VPS45: variants seen among roughly 807,000 people sequenced by gnomAD.
VPS45 encodes vacuolar protein sorting-associated protein 45.
VPS45 carries 35 observed loss-of-function variants against 75.9 expected under a neutral mutation model. That is an observed-to-expected ratio of 0.46 (90% CI 0.35 to 0.61). The LOEUF is 0.61. Ranked by LOEUF, VPS45 falls within the 20% of genes least tolerant of loss-of-function variation. VPS45 has a pLI of 0.00. For missense variants in VPS45, 559 were observed against 685.9 expected (o/e 0.81, Z 2.07); for synonymous variants, 220 against 238.2 (o/e 0.92, Z 0.70).
chr1:150,076,593 T>C (rs927735132), intron 4 of VPS45: 1 of 473,790 alleles, frequency 2.1e-6, no homozygotes, highest in Non-Finnish European at 3.7e-6. Context: ...AGTTCTTTTT[T>C]ATCTGAGTAG....
Position 150,092,106 on chromosome 1 carries a change from T to A in VPS45, c.1263+11T>A. The A allele has an allele frequency of 7.5e-6, 12 of 1,609,536 alleles. No homozygotes were observed. The highest frequency in any genetic ancestry group is 1.0e-5 in the Non-Finnish European group (12 of 1,177,456). On this transcript the variant is annotated intron_variant, in intron 11 of 14. Coordinates refer to ENST00000644510, the MANE Select transcript of VPS45 (RefSeq NM_007259.5). The stretch of plus-strand genomic sequence containing the variant: ...GAGAAGTATCGAAAGGTAACCAGTT[T>A]CCATATTAGCCCACCAAACAGGAAC...
chr1:150,076,077 T>TATATATATATATATATATAAAA (rs1313052333), intron 3 of VPS45, among the ~76,000 whole-genome samples, 156 bp from the exon 4 acceptor site: 9 of 148,720 alleles, frequency 6.1e-5, no homozygotes, highest in African/African-American at 2.2e-4. Context: ...TATATATATA[T>TATATATATATATATATATAAAA]ATATATAAAA....
Position 150,145,037 on chromosome 1 carries a change from C to A in VPS45, c.*241C>A. On this transcript the variant is annotated 3_prime_UTR_variant, in exon 15 of 15. Coordinates refer to ENST00000644510, the MANE Select transcript of VPS45 (RefSeq NM_007259.5). ...GTCTTTATGTATCTGTTAGCACAATCACTTCAGTTACTGATGAATTTTGTT... is the reference window on the plus strand; with the variant it reads ...GTCTTTATGTATCTGTTAGCACAATAACTTCAGTTACTGATGAATTTTGTT... 1 of 1,024,372 alleles carries A rather than the reference C, an allele frequency of 9.8e-7. No individual in the cohort carries two copies. Among genetic ancestry groups the A allele is most frequent in the Non-Finnish European group, 1.4e-6 (1 of 712,572 alleles). The allele number at this position is 1,024,372 out of a possible 1,614,324, so 63.5% of individuals were successfully genotyped here.
intron 14 of VPS45, among the ~76,000 whole-genome samples, chr1:150,113,480 C>G (rs781824565): frequency 3.2e-4 from 49 of 152,192 alleles, no homozygotes; most frequent in Admixed American, 5.9e-4. Flanking sequence ...GCCAGCACCC[C>G]CAGCAGCCTT....
rs373099545 is a variant in VPS45 at position 150,136,292 on chromosome 1, A to C, written c.1626-8417A>C. Among the ~76,000 whole-genome samples the C allele has an allele frequency of 5.3e-3, 775 of 145,424 alleles. 6 individuals carry two copies. Among genetic ancestry groups the C allele is most frequent in the Middle Eastern group, 0.03 (8 of 266 alleles). On this transcript the variant is annotated intron_variant, in intron 14 of 14. Transcript: ENST00000644510. ...TTTGAGGCCGGGTGCGGTGGTTCAC[A>C]CCTGTAATCTCGGCACTTTGGGAGG...
At position 150,138,346 on chromosome 1, in the gene VPS45, A is replaced by G. The variant is rs886885880; in HGVS notation, c.1626-6363A>G. ...TTATCACTTAGCTTCCAGGAACTAT[A>G]CTGTCTTGGTCGTCCTACCTCACTG... is the stretch of plus-strand genomic sequence containing the variant. On this transcript the variant is annotated intron_variant, in intron 14 of 14. Coordinates refer to ENST00000644510, the MANE Select transcript of VPS45 (RefSeq NM_007259.5). Among the ~76,000 whole-genome samples, 8 of 152,042 alleles carry G rather than the reference A, an allele frequency of 5.3e-5. 1 individual carries two copies. The highest frequency in any genetic ancestry group is 1.7e-4 in the African/African-American group (7 of 41,382).
chr1:150,098,994 C>G, intron 13 of VPS45: 1 of 1,115,378 alleles, frequency 9.0e-7, no homozygotes, highest in Non-Finnish European at 1.1e-6. Flanking sequence ...CTTGTTGCTA[C>G]AGCTTATTTT....
chr1:150,116,630 T>C (rs1657945888), intron 14 of VPS45, among the ~76,000 whole-genome samples: 1 of 152,186 alleles, frequency 6.6e-6, no homozygotes, highest in African/African-American at 2.4e-5. Context: ...AAATAATATT[T>C]AATAATTTAG....
intron 14 of VPS45, among the ~76,000 whole-genome samples, chr1:150,133,447 G>A (rs1273421262): frequency 6.6e-6 from 1 of 152,098 alleles, no homozygotes; most frequent in South Asian, 2.1e-4. Context: ...CCAGCTGTTC[G>A]GGAGGCTGAG....
chr1:150,072,035 A>G (rs1655101876), intron 2 of VPS45, 131 bp from the exon 3 acceptor site: 1 of 529,740 alleles, frequency 1.9e-6, no homozygotes, highest in Non-Finnish European at 3.2e-6. Flanking sequence ...ACCCACCAAC[A>G]TAAGCACACT....
intron 14 of VPS45, among the ~76,000 whole-genome samples, chr1:150,123,938 A>G (rs1303919827): frequency 1.3e-5 from 2 of 152,202 alleles, no homozygotes; most frequent in African/African-American, 4.8e-5. Flanking sequence ...GAGAGCAACA[A>G]TTCTCTCGCT....
chr1:150,069,621 T>TG (rs1654926756), intron 2 of VPS45, among the ~76,000 whole-genome samples: 1 of 758 alleles, frequency 1.3e-3, no homozygotes, highest in Non-Finnish European at 2.7e-3. Flanking sequence ...CACGCCCGGC[T>TG]AATTTTTTGT....
chr1:150,118,867 G>T (rs1274741147), intron 14 of VPS45, among the ~76,000 whole-genome samples: 1 of 152,180 alleles, frequency 6.6e-6, no homozygotes, highest in Non-Finnish European at 1.5e-5. Flanking sequence ...TAGCAATAAA[G>T]ATTCAATAAA....
chr1:150,076,177 C>T lies in VPS45; in HGVS notation c.290-56C>T, dbSNP rs187297388. The T allele has an allele frequency of 2.7e-3, 3,757 of 1,414,926 alleles. 25 individuals are homozygous for T. Among genetic ancestry groups the T allele is most frequent in the Middle Eastern group, 0.02 (108 of 5,490 alleles). The allele number at this position is 1,414,926 out of a possible 1,614,324, so 87.6% of individuals were successfully genotyped here. A position where few individuals can be genotyped will look rare whatever the true frequency, so the allele number is the denominator to read the frequency against. On this transcript the variant is annotated intron_variant, in intron 3 of 14. Coordinates refer to ENST00000644510, the MANE Select transcript of VPS45 (RefSeq NM_007259.5). The stretch of plus-strand genomic sequence containing the variant: ...AGGCTTTAACTATCAGGCCCTTTTA[C>T]ATATATTGCAGCAGAAATTATCTCC...
intron 14 of VPS45, among the ~76,000 whole-genome samples, chr1:150,138,225 G>A (rs1659213892): frequency 6.6e-6 from 1 of 152,032 alleles, no homozygotes; most frequent in South Asian, 2.1e-4. Context: ...TCCTCATTTT[G>A]CTTGACCTAT....
At chr1:150,102,247 A>C (rs1374785929) in intron 13 of VPS45, among the ~76,000 whole-genome samples, 1 of 148,848 alleles carries the variant, frequency 6.7e-6, no homozygotes, top group African/African-American at 2.5e-5. Flanking sequence ...AAAAAAAAAA[A>C]AAAAAAACAA....
chr1:150,123,117 A>T (rs1226711439), intron 14 of VPS45, among the ~76,000 whole-genome samples: 1 of 152,096 alleles, frequency 6.6e-6, no homozygotes, highest in Non-Finnish European at 1.5e-5. Context: ...GGAATCATAT[A>T]ATATGTATTC....
intron 10 of VPS45, among the ~76,000 whole-genome samples, chr1:150,088,497 T>TTTTTTG (rs1656145988): frequency 7.2e-6 from 1 of 139,672 alleles, no homozygotes; most frequent in African/African-American, 2.6e-5. Flanking sequence ...TTTTTTTTTT[T>TTTTTTG]GAGACAGGGT....
At chr1:150,129,174 A>C (rs1274032668) in intron 14 of VPS45, among the ~76,000 whole-genome samples, 1 of 152,186 alleles carries the variant, frequency 6.6e-6, no homozygotes, top group Admixed American at 6.5e-5. Flanking sequence ...TAGAAAGATG[A>C]AGACATGTTC....
Sources: gnomAD v4.1 joint callset for allele counts (sites outside exome capture counted in the v4.1 genomes callset) on GRCh38, gnomAD v4.1.1 for gene constraint, MANE v1.5 for transcripts, NCBI Gene and HGNC (gene_info 2026-07-23, HGNC 2026-07-21) for gene names.